RYR3: variants seen among roughly 807,000 people sequenced by gnomAD.
RYR3 encodes brain ryanodine receptor-calcium release channel.
RYR3 carries 207 observed loss-of-function variants against 584.3 expected under a neutral mutation model. The observed-to-expected ratio is 0.35, with a 90% CI of 0.32 to 0.40. RYR3 has a LOEUF of 0.40. Among genes scored for constraint, RYR3 ranks in the 10% least tolerant of loss-of-function variants. RYR3 has a pLI of 1.00. For missense variants in RYR3, 5,616 were observed against 6,089.2 expected (o/e 0.92, Z 2.59); for synonymous variants, 2,416 against 2,248.5 (o/e 1.07, Z -2.11).
chr15:33,467,393 C>A, intron 1 of RYR3: 1 of 634,428 alleles, frequency 1.6e-6, no homozygotes, highest in Non-Finnish European at 2.0e-6. Flanking sequence ...CACAGGTGAC[C>A]CGTAGAGAAG....
chr15:33,772,986 A>T (rs1184316717), intron 63 of RYR3, among the ~76,000 whole-genome samples: 1 of 152,220 alleles, frequency 6.6e-6, no homozygotes. Flanking sequence ...CCCTTCCCCT[A>T]GGAAACATGA....
At chr15:33,689,444 C>T (rs1011680811) in intron 38 of RYR3, among the ~76,000 whole-genome samples, 19 of 152,124 alleles carry the variant, frequency 1.2e-4, no homozygotes, top group African/African-American at 4.6e-4. Context: ...TGCACACATA[C>T]ACACAGATGC....
At chr15:33,349,348 C>T (rs1386028638) in intron 1 of RYR3, among the ~76,000 whole-genome samples, 3 of 152,048 alleles carry the variant, frequency 2.0e-5, no homozygotes, top group African/African-American at 7.2e-5. Flanking sequence ...TTATAAGAAA[C>T]TGCCAAACTG....
intron 69 of RYR3, among the ~76,000 whole-genome samples, chr15:33,805,018 T>G (rs545043612): frequency 2.6e-5 from 4 of 152,362 alleles, no homozygotes; most frequent in Admixed American, 2.6e-4. Context: ...ACGCTATTTT[T>G]CTGGGGCAGT....
At chr15:33,572,603 T>C (rs945438179) in intron 12 of RYR3, among the ~76,000 whole-genome samples, 13 of 147,740 alleles carry the variant, frequency 8.8e-5, no homozygotes, top group African/African-American at 3.3e-4. Flanking sequence ...TGAAACACCA[T>C]AGACTCCAAC....
At position 33,669,854 on chromosome 15, in the gene RYR3, G is replaced by GTGGT. The variant is rs765175872; in HGVS notation, c.5722+398_5722+399insTGGT. Among the ~76,000 whole-genome samples the GTGGT allele has an allele frequency of 1.4e-4, 5 of 35,994 alleles. 1 individual carries two copies. Among genetic ancestry groups the GTGGT allele is most frequent in the Admixed American group, 7.8e-4 (2 of 2,556 alleles). The allele number at this position is 35,994 out of a possible 152,430, so 23.6% of individuals were successfully genotyped here. ...GGGGTGTGTGTGTGTGGGGGGGGGG[G>GTGGT]GGGGTGTGGGTGTGTGGGTGTGTGT... On this transcript the variant is annotated intron_variant, in intron 37 of 103. Coordinates refer to ENST00000634891, the MANE Select transcript of RYR3 (RefSeq NM_001036.6).
chr15:33,581,474 C>T (rs2058589813), intron 13 of RYR3, 34 bp from the exon 14 acceptor site: 2 of 1,607,384 alleles, frequency 1.2e-6, no homozygotes, highest in African/African-American at 2.7e-5. Context: ...TCTTAATCAG[C>T]AATGTTTACA....
At chr15:33,807,136 G>A (rs1219313648) in intron 69 of RYR3, among the ~76,000 whole-genome samples, 1 of 152,102 alleles carries the variant, frequency 6.6e-6, no homozygotes, top group Non-Finnish European at 1.5e-5. Flanking sequence ...AATGTGGTGG[G>A]TAGAAGGAAG....
intron 38 of RYR3, among the ~76,000 whole-genome samples, chr15:33,691,264 T>C (rs1483558618): frequency 6.6e-6 from 1 of 152,226 alleles, no homozygotes; most frequent in African/African-American, 2.4e-5. Context: ...CATTCATTGA[T>C]CATTGAGAGA....
At chr15:33,860,046 T>C (rs2080167909) in intron 100 of RYR3, among the ~76,000 whole-genome samples, 1 of 152,188 alleles carries the variant, frequency 6.6e-6, no homozygotes, top group Admixed American at 6.5e-5. Flanking sequence ...CTTCATTTTC[T>C]TCCCAGAGAG....
At chr15:33,811,349 C>A (rs986749039) in intron 72 of RYR3, among the ~76,000 whole-genome samples, 4 of 151,974 alleles carry the variant, frequency 2.6e-5, no homozygotes, top group African/African-American at 9.7e-5. Flanking sequence ...ACTAAAAATA[C>A]AAAAAGTTAG....
intron 89 of RYR3, chr15:33,839,574 G>A (rs1266701563): frequency 6.6e-6 from 1 of 152,280 alleles, no homozygotes; most frequent in Non-Finnish European, 1.5e-5. Context: ...GCATCAAAGA[G>A]AGTAGAGAAG....
chr15:33,416,802 G>T (rs867527487), intron 1 of RYR3, among the ~76,000 whole-genome samples: 1 of 152,042 alleles, frequency 6.6e-6, no homozygotes, highest in Non-Finnish European at 1.5e-5. Flanking sequence ...ACATCTTCTT[G>T]TAGGATTTTT....
chr15:33,514,928 C>T (rs370491924), intron 3 of RYR3, among the ~76,000 whole-genome samples: 10 of 151,872 alleles, frequency 6.6e-5, no homozygotes, highest in East Asian at 5.8e-4. Context: ...GGCGTGAACC[C>T]GGGAGGCGGA....
At position 33,768,718 on chromosome 15, in the gene RYR3, T is replaced by G. The variant is rs2073313758; in HGVS notation, c.8755+11T>G. ...GAATTTCCCTCTTTGGTAAGTGAAG[T>G]GTTGCTCAAGGTACCGCTCCTCCCT... On this transcript the variant is annotated intron_variant, in intron 61 of 103. Transcript: ENST00000634891. The G allele has an allele frequency of 6.2e-7, 1 of 1,613,434 alleles. No individual in the cohort carries two copies. Among genetic ancestry groups the G allele is most frequent in the Non-Finnish European group, 8.5e-7 (1 of 1,179,450 alleles).
intron 12 of RYR3, among the ~76,000 whole-genome samples, chr15:33,568,176 T>G (rs1041343814): frequency 1.3e-5 from 2 of 151,786 alleles, no homozygotes; most frequent in Non-Finnish European, 2.9e-5. Flanking sequence ...AAAGGGAGAG[T>G]GACTGCTACT....
At chr15:33,510,698 GA>G (rs1212235656) in intron 3 of RYR3, among the ~76,000 whole-genome samples, 2 of 151,498 alleles carry the variant, frequency 1.3e-5, no homozygotes, top group African/African-American at 2.4e-5. Context: ...AAAGAGCTAG[GA>G]ATCATTTTGA....
chr15:33,311,041 G>T lies in RYR3; in HGVS notation c.-5G>T. The T allele has an allele frequency of 6.3e-7, 1 of 1,580,412 alleles. No homozygotes were observed. The highest frequency in any genetic ancestry group is 1.1e-5 in the South Asian group (1 of 87,044). ...GGCTGGGGCACCGCCGACGCCTCGG[G>T]AGCCATGGCCGAAGGGGGAGAAGGA... On this transcript the variant is annotated 5_prime_UTR_variant, in exon 1 of 104. Coordinates refer to ENST00000634891, the MANE Select transcript of RYR3 (RefSeq NM_001036.6). The surrounding 1 kb of genome is among the most constrained non-coding windows in gnomAD (Gnocchi z 4.4).
chr15:33,726,141 C>G (rs1046003641), intron 45 of RYR3, among the ~76,000 whole-genome samples: 6 of 152,074 alleles, frequency 3.9e-5, no homozygotes, highest in Non-Finnish European at 5.9e-5. Flanking sequence ...ACCTCATGGC[C>G]ACTTTAATAA....
Sources: gnomAD v4.1 joint callset for allele counts (sites outside exome capture counted in the v4.1 genomes callset) on GRCh38, gnomAD v4.1.1 for gene constraint, Gnocchi (gnomAD v3.1) non-coding constraint, MANE v1.5 for transcripts, NCBI Gene and HGNC (gene_info 2026-07-23, HGNC 2026-07-21) for gene names.